PARK7: variants seen among roughly 807,000 people sequenced by gnomAD.
PARK7 encodes the protein Parkinsonism associated deglycase, also known as Parkinson disease protein 7.
In PARK7, 14 loss-of-function variants were observed where a neutral mutation model predicts 20.5. The observed-to-expected ratio is 0.68, with a 90% CI of 0.45 to 1.07. The LOEUF (loss-of-function observed/expected upper bound fraction) is 1.07, where lower values mean the gene tolerates loss of function less well. PARK7 is among the 50% of genes least tolerant of loss of function. The pLI is 0.00. For missense variants in PARK7, 234 were observed against 238.1 expected (o/e 0.98, Z 0.11); for synonymous variants, 98 against 84.3 (o/e 1.16, Z -0.89).
intron 5 of PARK7, among the ~76,000 whole-genome samples, chr1:7,974,070 G>GAA (rs1041878558): frequency 6.0e-5 from 9 of 150,986 alleles, no homozygotes; most frequent in African/African-American, 1.9e-4. Flanking sequence ...AGCACTTTGG[G>GAA]AGACTGAGGT....
intron 5 of PARK7, among the ~76,000 whole-genome samples, chr1:7,977,350 T>C (rs1168369316): frequency 6.6e-6 from 1 of 152,252 alleles, no homozygotes; most frequent in East Asian, 1.9e-4. Context: ...GCAAATCGTT[T>C]GTTATAAACA....
intron 3 of PARK7, among the ~76,000 whole-genome samples, chr1:7,967,183 C>A (rs918229160): frequency 6.6e-6 from 1 of 152,118 alleles, no homozygotes; most frequent in Non-Finnish European, 1.5e-5. Context: ...ATTTGCTATT[C>A]CTGGCTTCTT....
At chr1:7,969,919 A>G (rs1452885473) in intron 4 of PARK7, among the ~76,000 whole-genome samples, 2 of 152,174 alleles carry the variant, frequency 1.3e-5, no homozygotes, top group East Asian at 3.9e-4. Flanking sequence ...GGTCAGGTGC[A>G]GTGGCTCAAC....
chr1:7,970,723 A>G (rs552562469), intron 4 of PARK7, among the ~76,000 whole-genome samples, 171 bp from the exon 5 acceptor site: 54 of 152,334 alleles, frequency 3.5e-4, no homozygotes, highest in African/African-American at 1.2e-3. Flanking sequence ...TAAGAATATA[A>G]TATAGACACA....
chr1:7,983,251 G>A (rs988178188), intron 6 of PARK7, among the ~76,000 whole-genome samples: 5 of 152,220 alleles, frequency 3.3e-5, no homozygotes, highest in African/African-American at 9.6e-5. Context: ...CGCACTGAGC[G>A]GTGGTGACCA....
intron 4 of PARK7, among the ~76,000 whole-genome samples, chr1:7,970,509 G>A (rs909077627): frequency 2.0e-5 from 3 of 152,336 alleles, no homozygotes; most frequent in African/African-American, 7.2e-5. Context: ...GCTGCCAGAA[G>A]TAAGAAGTGG....
intron 2 of PARK7, among the ~76,000 whole-genome samples, chr1:7,963,083 CTT>C (rs1640243791): frequency 6.6e-6 from 1 of 152,070 alleles, no homozygotes; most frequent in Admixed American, 6.6e-5. Flanking sequence ...ACCCATTTCT[CTT>C]TTGTTTTGAG....
Position 7,962,759 on chromosome 1 carries a change from T to A in PARK7, c.-23-4T>A. 4.8e-6 allele frequency: 7 copies of A among 1,449,578 alleles called. No individual in the cohort carries two copies. Among genetic ancestry groups the A allele is most frequent in the Non-Finnish European group, 5.7e-6 (6 of 1,053,916 alleles). 89.8% of individuals were successfully genotyped at this position (1,449,578 alleles called of 1,614,324 possible). On this transcript the variant is annotated splice_region_variant and splice_polypyrimidine_tract_variant and intron_variant, in intron 1 of 6. Transcript: ENST00000338639. ...TGAAATCTTTTTTTTTTTTTTTTTTTAAGGCTTGTAAACATATAACATAAA... is the reference window on the plus strand; with the variant it reads ...TGAAATCTTTTTTTTTTTTTTTTTTAAAGGCTTGTAAACATATAACATAAA...
intron 3 of PARK7, among the ~76,000 whole-genome samples, chr1:7,967,997 T>A (rs1010488972): frequency 4.6e-5 from 7 of 152,160 alleles, no homozygotes; most frequent in East Asian, 1.9e-4. Context: ...AGATTTTTTT[T>A]AACCACTTTT....
In PARK7 at chr1:7,978,844, CAA is replaced by C. The variant is rs368607562; in HGVS notation, c.409+1125_409+1126del. 1.7e-3 allele frequency among the ~76,000 whole-genome samples: 185 copies of C among 107,112 alleles called. 1 individual carries two copies. The East Asian group carries it at 0.026, about 15-fold the overall frequency. The allele number at this position is 107,112 out of a possible 152,430, so 70.3% of individuals were successfully genotyped here. A position where few individuals can be genotyped will look rare whatever the true frequency, so the allele number is the denominator to read the frequency against. Reference sequence around the variant, plus strand: ...CCTGGAGGACAAAGCAAGACCCTATCAAAAAAAAAAAAAAAAAAAAGTTTCTT... The same window carrying C: ...CCTGGAGGACAAAGCAAGACCCTATCAAAAAAAAAAAAAAAAAAGTTTCTT... On this transcript the variant is annotated intron_variant, in intron 6 of 6. Transcript: ENST00000338639.
At chr1:7,981,161 G>T (rs1312746924) in intron 6 of PARK7, among the ~76,000 whole-genome samples, 1 of 152,172 alleles carries the variant, frequency 6.6e-6, no homozygotes, top group Non-Finnish European at 1.5e-5. Context: ...CTGGCATCGT[G>T]GGGTGGCCCT....
chr1:7,977,695 A>C lies in PARK7; in HGVS notation c.366A>C (p.Lys122Asn). 1 of 1,614,174 alleles carries C rather than the reference A, an allele frequency of 6.2e-7. No homozygotes were observed. Among genetic ancestry groups the C allele is most frequent in the South Asian group, 1.1e-5 (1 of 91,088 alleles). ...LLAHEIGFGSKVTTHPLAKDK... is the reference protein window; with the variant it reads ...LLAHEIGFGSNVTTHPLAKDK... ...CTCATGAAATAGGTTTTGGAAGTAAAGTTACAACACACCCTCTTGCTAAAG... is the reference window on the plus strand; with the variant it reads ...CTCATGAAATAGGTTTTGGAAGTAACGTTACAACACACCCTCTTGCTAAAG... The change falls in exon 6 of 7, where the codon AAA (lysine) becomes AAC (asparagine). Residue 122 changes from lysine (K) to asparagine (N), a missense_variant. Transcript: ENST00000338639.
At position 7,974,134 on chromosome 1, in the gene PARK7, A is replaced by ACCCCC. The variant is rs373742818; in HGVS notation, c.322+3174_322+3178dup. On this transcript the variant is annotated intron_variant, in intron 5 of 6. Transcript: ENST00000338639. ...AGACCAGCCTGGGCAACATAGTGAG[A>ACCCCC]CCCCCCCACCGACCTCTACAAAAAA... Among the ~76,000 whole-genome samples, 75 of 129,114 alleles carry ACCCCC rather than the reference A, an allele frequency of 5.8e-4. 4 individuals are homozygous for ACCCCC. Among genetic ancestry groups the ACCCCC allele is most frequent in the Non-Finnish European group, 9.2e-4 (53 of 57,654 alleles). The allele number at this position is 129,114 out of a possible 152,430, so 84.7% of individuals were successfully genotyped here.
rs199719494 is a variant in PARK7 at position 7,970,942 on chromosome 1, C to G, written c.301C>G (p.Leu101Val). ...GAAGGAGCAGGAAAACCGGAAGGGC[C>G]TGATAGCCGCCATCTGTGCAGGTGA... is the stretch of plus-strand genomic sequence containing the variant. The part of the protein sequence containing the change: ...ILKEQENRKG[L>V]IAAICAGPTA... Residue 101 changes from leucine to valine, a missense_variant, in exon 5 of 7, where the codon CTG (leucine) becomes GTG (valine). Transcript: ENST00000338639. 6.2e-7 allele frequency: 1 copy of G among 1,614,162 alleles called. No individual in the cohort carries two copies. Among genetic ancestry groups the G allele is most frequent in the East Asian group, 2.2e-5 (1 of 44,884 alleles).
chr1:7,965,914 A>G (rs1013259753), intron 3 of PARK7, among the ~76,000 whole-genome samples: 4 of 152,032 alleles, frequency 2.6e-5, no homozygotes, highest in African/African-American at 9.7e-5. Context: ...GGTTCAAGCA[A>G]TCCTCCCACC....
intron 3 of PARK7, among the ~76,000 whole-genome samples, chr1:7,968,302 CA>C (rs34105225): frequency 0.6 from 60,973 of 101,372 alleles, 14,577 homozygotes; most frequent in African/African-American, 0.69. Context: ...GACTCTGTCT[CA>C]AAAAAAAAAA....
chr1:7,974,863 T>TG (rs1379460538), intron 5 of PARK7, among the ~76,000 whole-genome samples: 308 of 150,782 alleles, frequency 2.0e-3, no homozygotes, highest in African/African-American at 7.1e-3. Context: ...TTTTTTTTTT[T>TG]TTTTTGTTGA....
At chr1:7,983,553 C>G (rs1640755623) in intron 6 of PARK7, among the ~76,000 whole-genome samples, 1 of 152,242 alleles carries the variant, frequency 6.6e-6, no homozygotes, top group African/African-American at 2.4e-5. Flanking sequence ...TGGTCCCAGC[C>G]CAGTCTCTGT....
chr1:7,979,289 A>C (rs1425212134), intron 6 of PARK7, among the ~76,000 whole-genome samples: 1 of 152,022 alleles, frequency 6.6e-6, no homozygotes, highest in Non-Finnish European at 1.5e-5. Context: ...ATTCCCGTCT[A>C]CCTTGACCCA....
Sources: allele counts gnomAD v4.1 joint callset (sites outside exome capture counted in the v4.1 genomes callset), GRCh38; gene constraint gnomAD v4.1.1; transcripts MANE v1.5; gene names NCBI Gene and HGNC (gene_info 2026-07-23, HGNC 2026-07-21).